Variants in COG3 observed in about 807,000 individuals in gnomAD.
COG3 encodes the protein conserved oligomeric Golgi complex subunit 3.
Under a neutral mutation model 114.1 loss-of-function variants are expected in COG3, and 32 were observed. That is an observed-to-expected ratio of 0.28 (90% CI 0.21 to 0.38). COG3 has a LOEUF of 0.38. Among genes scored for constraint, COG3 ranks in the 10% least tolerant of loss-of-function variants. The pLI is 1.00. For missense variants in COG3, 813 were observed against 973.2 expected (o/e 0.84, Z 2.19); for synonymous variants, 352 against 365.7 (o/e 0.96, Z 0.43).
chr13:45,519,190 A>G, intron 19 of COG3, 96 bp downstream of exon 19: 1 of 1,339,026 alleles, frequency 7.5e-7, no homozygotes, highest in Non-Finnish European at 1.0e-6. Context: ...GCAGAAGGAG[A>G]TATTAAGCCC....
chr13:45,474,921 T>G (rs1277885316), intron 1 of COG3, among the ~76,000 whole-genome samples: 1 of 142,904 alleles, frequency 7.0e-6, no homozygotes, highest in Non-Finnish European at 1.5e-5. Flanking sequence ...CAGCATCTAC[T>G]TTCCCTTTGT....
chr13:45,518,631 C>G (rs1170074592), intron 17 of COG3, 131 bp from the exon 18 acceptor site: 2 of 645,310 alleles, frequency 3.1e-6, no homozygotes, highest in Non-Finnish European at 2.8e-6. Flanking sequence ...CACTCTCAGC[C>G]TTTCATGGAG....
At chr13:45,483,142 T>A (rs892218003) in intron 6 of COG3, 88 bp from the exon 7 acceptor site, 3 of 893,338 alleles carry the variant, frequency 3.4e-6, no homozygotes, top group Admixed American at 5.8e-5. Context: ...ATATATTGCT[T>A]TACATAGGGA....
At position 45,534,828 on chromosome 13, in the gene COG3, CGT is replaced by C; in HGVS notation, c.*98_*99del. On this transcript the variant is annotated 3_prime_UTR_variant, in exon 23 of 23. Coordinates refer to ENST00000349995, the MANE Select transcript of COG3 (RefSeq NM_031431.4). ...GACACCGAGGAATCGTATGTGGGAA[CGT>C]CCCCGAGAACCACACGAGCGTGCTG... is the stretch of plus-strand genomic sequence containing the variant. The C allele has an allele frequency of 1.4e-6, 2 of 1,403,588 alleles. No individual in the cohort carries two copies. The highest frequency in any genetic ancestry group is 1.7e-5 in the South Asian group (1 of 59,532). The allele number at this position is 1,403,588 out of a possible 1,614,324, so 86.9% of individuals were successfully genotyped here.
At chr13:45,502,516 T>G (rs938639751) in intron 13 of COG3, among the ~76,000 whole-genome samples, 3 of 152,186 alleles carry the variant, frequency 2.0e-5, no homozygotes, top group Admixed American at 6.5e-5. Context: ...GGCTGTGACA[T>G]CTGCATGCCG....
chr13:45,476,025 G>A (rs1885837601), intron 1 of COG3, among the ~76,000 whole-genome samples, 176 bp from the exon 2 acceptor site: 1 of 151,394 alleles, frequency 6.6e-6, no homozygotes, highest in Non-Finnish European at 1.5e-5. Flanking sequence ...ATTTTGAGAT[G>A]AGCATTTAAT....
chr13:45,502,031 T>C (rs368590579), intron 13 of COG3, among the ~76,000 whole-genome samples: 1 of 152,128 alleles, frequency 6.6e-6, no homozygotes, highest in African/African-American at 2.4e-5. Flanking sequence ...GGGCAGGCAG[T>C]GGGGGCTGTT....
chr13:45,525,444 A>G (rs1593751654), intron 20 of COG3, among the ~76,000 whole-genome samples: 1 of 152,034 alleles, frequency 6.6e-6, no homozygotes, highest in Non-Finnish European at 1.5e-5. Flanking sequence ...TTGGGCCACT[A>G]TTTTGTTCCA....
At chr13:45,504,964 A>G (rs942048965) in intron 14 of COG3, among the ~76,000 whole-genome samples, 3 of 152,122 alleles carry the variant, frequency 2.0e-5, no homozygotes, top group Non-Finnish European at 4.4e-5. Context: ...AGGTGGGCGG[A>G]TCACCTGAGG....
chr13:45,487,945 A>G (rs1047013875), intron 8 of COG3, among the ~76,000 whole-genome samples: 8 of 152,240 alleles, frequency 5.3e-5, no homozygotes, highest in African/African-American at 1.2e-4. Context: ...TTGCAGCACT[A>G]TTCGCAATAG....
In COG3 at chr13:45,472,214, A is replaced by T. The variant is rs558786867; in HGVS notation, c.175-3987A>T. Among the ~76,000 whole-genome samples the T allele has an allele frequency of 2.0e-5, 3 of 152,032 alleles. No homozygotes were observed. In the South Asian group the frequency reaches 6.2e-4, roughly 32 times the overall value. ...GTAATTTTTACCTTTATTTCTCTGT[A>T]TAGAATATGTCTTTTTCCCTCTGGC... is the stretch of plus-strand genomic sequence containing the variant. On this transcript the variant is annotated intron_variant, in intron 1 of 22. Transcript: ENST00000349995.
intron 8 of COG3, among the ~76,000 whole-genome samples, chr13:45,487,537 A>G (rs1410770882): frequency 2.0e-5 from 3 of 152,232 alleles, no homozygotes; most frequent in Middle Eastern, 3.2e-3. Context: ...ACTTAACAGA[A>G]GAAGGCCCCA....
chr13:45,500,334 A>C (rs1357047583), intron 13 of COG3, among the ~76,000 whole-genome samples: 2 of 152,162 alleles, frequency 1.3e-5, no homozygotes, highest in East Asian at 3.8e-4. Flanking sequence ...ATTAGTTTAT[A>C]TAAGGAGTGC....
intron 5 of COG3, among the ~76,000 whole-genome samples, chr13:45,482,059 C>T (rs569238628): frequency 6.6e-6 from 1 of 152,020 alleles, no homozygotes; most frequent in East Asian, 1.9e-4. Context: ...TATTGTATAC[C>T]AGAAAGTGAG....
At chr13:45,474,903 A>T (rs1885761921) in intron 1 of COG3, among the ~76,000 whole-genome samples, 2 of 151,924 alleles carry the variant, frequency 1.3e-5, no homozygotes, top group African/African-American at 4.8e-5. Flanking sequence ...AGGCCCTTTT[A>T]CTTTCCCCAG....
In COG3 at chr13:45,482,392, C is replaced by G. The variant is rs1886302134; in HGVS notation, c.636C>G (p.Ser212=). 6.6e-7 allele frequency: 1 copy of G among 1,523,176 alleles called. No individual in the cohort carries two copies. Among genetic ancestry groups the G allele is most frequent in the East Asian group, 2.3e-5 (1 of 43,778 alleles). 94.4% of individuals were successfully genotyped at this position (1,523,176 alleles called of 1,614,324 possible). A position where few individuals can be genotyped will look rare whatever the true frequency, so the allele number is the denominator to read the frequency against. The change falls in exon 6 of 23, where the codon TCC becomes TCG. Residue 212 remains serine (S), a synonymous_variant. Transcript: ENST00000349995. ...TTTTTCTCTTAAAGAAATTGAATTC[C>G]CCTACATTGTCGGTGAATAGTGACG... is the stretch of plus-strand genomic sequence containing the variant. The part of the protein sequence containing the change: ...ELETINTKLN[S]PTLSVNSDGF...
In COG3 at chr13:45,516,260, A is replaced by G. The variant is rs770108352; in HGVS notation, c.1927A>G (p.Arg643Gly). Residue 643 changes from arginine (R) to glycine (G), a missense_variant, in exon 17 of 23, where the codon AGA becomes GGA. By Grantham distance (125) the Arg-to-Gly change is moderately radical. Transcript: ENST00000349995. ...KEISLDLKKT[R>G]DAAFKILNPM... ...AATTTCCCTGGACCTCAAGAAAACTAGAGGTACTTTGCTGTCCTGGCTGGC... is the reference window on the plus strand; with the variant it reads ...AATTTCCCTGGACCTCAAGAAAACTGGAGGTACTTTGCTGTCCTGGCTGGC... 2 of 1,587,596 alleles carry G rather than the reference A, an allele frequency of 1.3e-6. No individual in the cohort carries two copies. The highest frequency in any genetic ancestry group is 1.7e-6 in the Non-Finnish European group (2 of 1,163,054).
chr13:45,479,956 G>A (rs927645287), intron 3 of COG3, among the ~76,000 whole-genome samples, 169 bp from the exon 4 acceptor site: 1 of 152,116 alleles, frequency 6.6e-6, no homozygotes, highest in Admixed American at 6.5e-5. Context: ...TATTGAAACG[G>A]TTTATGACAT....
At chr13:45,504,611 TGGG>T (rs1483308806) in intron 14 of COG3, among the ~76,000 whole-genome samples, 1 of 152,042 alleles carries the variant, frequency 6.6e-6, no homozygotes, top group Non-Finnish European at 1.5e-5. Flanking sequence ...AGGGTGGTGT[TGGG>T]GGGATGGAGA....
Sources: gnomAD v4.1 joint callset for allele counts (sites outside exome capture counted in the v4.1 genomes callset) on GRCh38, gnomAD v4.1.1 for gene constraint, MANE v1.5 for transcripts, NCBI Gene and HGNC (gene_info 2026-07-23, HGNC 2026-07-21) for gene names.